Variants in MYBL2 observed in about 807,000 individuals in gnomAD.
MYBL2 encodes MYB proto-oncogene like 2, also known as myb-related protein B.
Under a neutral mutation model 79.9 loss-of-function variants are expected in MYBL2, and 28 were observed. The ratio of observed to expected loss-of-function variants is 0.35; its 90% CI spans 0.26 to 0.48. MYBL2 has a LOEUF of 0.48. Ranked by LOEUF, MYBL2 falls within the 20% of genes least tolerant of loss-of-function variation. The pLI, the probability that MYBL2 is intolerant of heterozygous loss-of-function variation, is 0.99. For missense variants in MYBL2, 735 were observed against 893.9 expected (o/e 0.82, Z 2.27); for synonymous variants, 378 against 361.2 (o/e 1.05, Z -0.53).
chr20:43,713,352 C>T (rs6031050), intron 12 of MYBL2, among the ~76,000 whole-genome samples: 6,842 of 150,966 alleles, frequency 0.045, 457 homozygotes, highest in African/African-American at 0.14. Flanking sequence ...GGGTCTCCTG[C>T]GCTCTCCCAG....
chr20:43,693,991 T>C (rs115978044), intron 6 of MYBL2, among the ~76,000 whole-genome samples: 1 of 151,914 alleles, frequency 6.6e-6, no homozygotes, highest in Non-Finnish European at 1.5e-5. Flanking sequence ...GAAGTTGCAG[T>C]GAGTTGAGAT....
intron 12 of MYBL2, among the ~76,000 whole-genome samples, chr20:43,713,548 C>T (rs1039090295): frequency 4.6e-5 from 7 of 152,014 alleles, no homozygotes; most frequent in African/African-American, 9.7e-5. Flanking sequence ...TCACCACGCC[C>T]GGCTAATTTT....
intron 6 of MYBL2, among the ~76,000 whole-genome samples, chr20:43,697,024 C>T (rs1196190122): frequency 2.7e-4 from 3 of 11,286 alleles, no homozygotes; most frequent in Non-Finnish European, 1.2e-3. Flanking sequence ...TGCGCCCGGC[C>T]GGTTGATTTT....
chr20:43,689,784 G>A (rs1340339225), intron 5 of MYBL2, among the ~76,000 whole-genome samples: 1 of 152,206 alleles, frequency 6.6e-6, no homozygotes, highest in Admixed American at 6.5e-5. Flanking sequence ...GATCCCCAGT[G>A]CCTACAATAA....
At chr20:43,670,485 T>G (rs904422881) in intron 1 of MYBL2, among the ~76,000 whole-genome samples, 2 of 152,194 alleles carry the variant, frequency 1.3e-5, no homozygotes, top group Non-Finnish European at 2.9e-5. Context: ...AATTAGTATT[T>G]CTTATTGACT....
intron 1 of MYBL2, among the ~76,000 whole-genome samples, chr20:43,670,964 TTTTTC>T (rs1337777559): frequency 8.3e-4 from 5 of 6,050 alleles, no homozygotes; most frequent in African/African-American, 1.7e-3. Flanking sequence ...TGATTTCTTT[TTTTTC>T]TTTTTTTTTT....
intron 12 of MYBL2, among the ~76,000 whole-genome samples, chr20:43,714,543 C>A (rs1194935712): frequency 6.6e-6 from 1 of 152,150 alleles, no homozygotes; most frequent in Non-Finnish European, 1.5e-5. Context: ...CTGAATCAGG[C>A]TCTGAAACGC....
rs757707237 is a variant in MYBL2, at chr20:43,692,280, C to T, written c.624C>T (p.Asp208=). 1.2e-6 allele frequency: 2 copies of T among 1,614,082 alleles called. No individual in the cohort carries two copies. The highest frequency in any genetic ancestry group is 4.5e-5 in the East Asian group (2 of 44,902). The change falls in exon 6 of 14, where the codon GAC becomes GAT. Residue 208 remains aspartate, a synonymous_variant. Transcript: ENST00000217026. ...PPVYLLLELE[D]KDGLQSAQPT... ...TGTACTTGCTGCTGGAGCTCGAGGA[C>T]AAGGACGGCCTCCAGAGTGCCCAGC...
At position 43,709,181 on chromosome 20, in the gene MYBL2, G is replaced by T. The variant is rs1469015799; in HGVS notation, c.1506-782G>T. Among the ~76,000 whole-genome samples, 3 of 152,264 alleles carry T rather than the reference G, an allele frequency of 2.0e-5. No homozygotes were observed. In the East Asian group the frequency reaches 5.8e-4, roughly 29 times the overall value. On this transcript the variant is annotated intron_variant, in intron 9 of 13. Transcript: ENST00000217026. ...TTTCTCTCATCCTCTGAGTGCCCTG[G>T]TTATGCCATGAGAGTCAGCCATGGT...
intron 7 of MYBL2, among the ~76,000 whole-genome samples, chr20:43,701,646 G>A (rs1987676834): frequency 6.6e-6 from 1 of 152,194 alleles, no homozygotes; most frequent in South Asian, 2.1e-4. Context: ...TGTGGGGATT[G>A]GAAATAACTT....
At chr20:43,690,055 G>C (rs1373916288) in intron 5 of MYBL2, among the ~76,000 whole-genome samples, 4 of 152,148 alleles carry the variant, frequency 2.6e-5, no homozygotes, top group Non-Finnish European at 5.9e-5. Flanking sequence ...ATAGAGCTTT[G>C]GCCTGCTATA....
chr20:43,684,058 A>G (rs1471892658), intron 4 of MYBL2, among the ~76,000 whole-genome samples: 1 of 151,964 alleles, frequency 6.6e-6, no homozygotes, highest in Non-Finnish European at 1.5e-5. Flanking sequence ...CTTCTAAAGT[A>G]GCTGGTGCCA....
At chr20:43,668,928 A>G (rs1986789500) in intron 1 of MYBL2, among the ~76,000 whole-genome samples, 1 of 151,914 alleles carries the variant, frequency 6.6e-6, no homozygotes, top group African/African-American at 2.4e-5. Flanking sequence ...GTGCAGTGGC[A>G]CAATCTCGGC....
At chr20:43,673,238 C>A (rs1471676924) in intron 1 of MYBL2, among the ~76,000 whole-genome samples, 1 of 94,066 alleles carries the variant, frequency 1.1e-5, no homozygotes, top group African/African-American at 4.2e-5. Flanking sequence ...AGCCACTGTG[C>A]CTGGCCTCTT....
chr20:43,678,390 G>A (rs1987066938), intron 2 of MYBL2, among the ~76,000 whole-genome samples: 2 of 151,992 alleles, frequency 1.3e-5, no homozygotes, highest in Non-Finnish European at 2.9e-5. Flanking sequence ...CTTGAATGTT[G>A]GGCTTAGAAG....
chr20:43,702,468 C>G (rs1313385723), intron 7 of MYBL2, 22 bp from the exon 8 acceptor site: 1 of 1,570,478 alleles, frequency 6.4e-7, no homozygotes, highest in African/African-American at 1.4e-5. Context: ...AATTGCAATT[C>G]CTAACCTCCC....
chr20:43,678,875 G>C (rs6073174), intron 2 of MYBL2, among the ~76,000 whole-genome samples: 4 of 22,730 alleles, frequency 1.8e-4, no homozygotes, highest in African/African-American at 4.3e-4. Context: ...AAAAAAAAAA[G>C]AAAAAAACAT....
intron 5 of MYBL2, among the ~76,000 whole-genome samples, chr20:43,691,726 A>G (rs2145721200): frequency 6.6e-6 from 1 of 151,826 alleles, no homozygotes; most frequent in Non-Finnish European, 1.5e-5. Context: ...TTTAGTAGAG[A>G]CAGGGTTTCT....
Position 43,710,022 on chromosome 20 carries a change from T to C in MYBL2, c.1565T>C (p.Phe522Ser), listed in dbSNP as rs1987871082. 1 of 1,610,078 alleles carries C rather than the reference T, an allele frequency of 6.2e-7. No homozygotes were observed. ...AACACTCCCCACACGCCAACCCCGTTCAAGAACGCCCTGGAGAAGTACGGA... is the reference window on the plus strand; with the variant it reads ...AACACTCCCCACACGCCAACCCCGTCCAAGAACGCCCTGGAGAAGTACGGA... ...MDNTPHTPTP[F>S]KNALEKYGPL... The change falls in exon 10 of 14, where the codon TTC (phenylalanine) becomes TCC (serine). Residue 522 changes from phenylalanine (F) to serine (S), a missense_variant. By Grantham distance (155) the Phe-to-Ser change is radical (BLOSUM62 -2). Transcript: ENST00000217026.
Sources: allele counts gnomAD v4.1 joint callset (sites outside exome capture counted in the v4.1 genomes callset), GRCh38; gene constraint gnomAD v4.1.1; transcripts MANE v1.5; gene names NCBI Gene and HGNC (gene_info 2026-07-23, HGNC 2026-07-21).